The following ZNF490 variants were observed in gnomAD, a reference collection of about 807,000 sequenced individuals.
ZNF490 encodes the protein zinc finger protein 490.
A neutral mutation model predicts 17.7 loss-of-function variants in ZNF490; 11 were observed. That is an observed-to-expected ratio of 0.62 (90% confidence interval 0.39 to 1.03). The LOEUF (loss-of-function observed/expected upper bound fraction) is 1.03. ZNF490 is among the 50% of genes least tolerant of loss of function. The probability of loss-of-function intolerance (pLI) is 0.00; values close to 1 mark genes in which losing one functional copy is unlikely to be tolerated. For missense variants in ZNF490, 542 were observed against 643.4 expected, an observed-to-expected ratio of 0.84 and a Z score of 1.71; for synonymous variants, 222 against 216.1, an observed-to-expected ratio of 1.03 and a Z score of -0.24.
At chr19:12,600,688 C>T (rs934853477) in intron 2 of ZNF490, among the ~76,000 whole-genome samples, 5 of 152,074 alleles carry the variant, frequency 3.3e-5, no homozygotes, top group African/African-American at 4.8e-5. Context: ...ACTTTGTCAT[C>T]CATAAATAAT....
At chr19:12,609,038 T>TG (rs1161862253) in intron 2 of ZNF490, 120 bp downstream of exon 2, 14 of 833,630 alleles carry the variant, frequency 1.7e-5, no homozygotes, top group Non-Finnish European at 2.8e-5. Context: ...GCCTTGACTA[T>TG]GGGAGTGCCT....
At position 12,577,929 on chromosome 19, in the gene ZNF490, T is replaced by C. The variant is rs1222736656; in HGVS notation, c.*2556A>G. ...GGACAGACCCGACCCCTATCGTGCC[T>C]ATGCAATTCAGAAAACGGAGAATTC... On this transcript the variant is annotated 3_prime_UTR_variant, in exon 5 of 5. Transcript: ENST00000311437. The C allele has an allele frequency of 1.0e-6, 1 of 985,346 alleles. No homozygotes were observed. Among genetic ancestry groups the C allele is most frequent in the Admixed American group, 6.2e-5 (1 of 16,246 alleles). The allele number at this position is 985,346 out of a possible 1,614,324, so 61.0% of individuals were successfully genotyped here.
chr19:12,583,045 A>ATTTTT, intron 3 of ZNF490, 135 bp from the exon 4 acceptor site: 3 of 589,706 alleles, frequency 5.1e-6, no homozygotes, highest in South Asian at 2.6e-5. Flanking sequence ...CTCTTCCCAC[A>ATTTTT]TTTTTTTTTT....
intron 2 of ZNF490, among the ~76,000 whole-genome samples, chr19:12,584,000 CAG>C (rs1367357304): frequency 6.6e-6 from 1 of 150,668 alleles, no homozygotes; most frequent in Non-Finnish European, 1.5e-5. Flanking sequence ...TTAGTAGAGA[CAG>C]AGTTTCACCG....
intron 2 of ZNF490, among the ~76,000 whole-genome samples, chr19:12,601,425 T>G (rs1392478133): frequency 6.7e-6 from 1 of 150,130 alleles, no homozygotes; most frequent in African/African-American, 2.4e-5. Context: ...GGGGTCTCAC[T>G]CTGTCACCCA....
chr19:12,583,410 A>G lies in ZNF490; in HGVS notation c.289+20T>C. ...ACCTGTTCCCTCCTTAATTAAGTAG[A>G]GAAATTATGTCACCCTTACCTATAC... On this transcript the variant is annotated intron_variant, in intron 3 of 4. Coordinates refer to ENST00000311437, the MANE Select transcript of ZNF490 (RefSeq NM_020714.3). 6.4e-7 allele frequency: 1 copy of G among 1,570,148 alleles called. No homozygotes were observed.
At chr19:12,601,791 G>A (rs901978626) in intron 2 of ZNF490, among the ~76,000 whole-genome samples, 2 of 151,978 alleles carry the variant, frequency 1.3e-5, no homozygotes, top group Non-Finnish European at 2.9e-5. Flanking sequence ...AGGAGATCGA[G>A]ACCATCCTGG....
chr19:12,592,386 C>G (rs2022883621), intron 2 of ZNF490, among the ~76,000 whole-genome samples: 2 of 150,504 alleles, frequency 1.3e-5, no homozygotes, highest in Non-Finnish European at 3.0e-5. Flanking sequence ...ATGATGAGAC[C>G]CCATCTCAAT....
intron 2 of ZNF490, 90 bp downstream of exon 2, chr19:12,609,068 C>G: frequency 7.8e-7 from 1 of 1,274,112 alleles, no homozygotes; most frequent in Non-Finnish European, 1.1e-6. Context: ...CCCGAAAGAC[C>G]CCCCCACAAA....
intron 3 of ZNF490, 83 bp from the exon 4 acceptor site, chr19:12,582,993 T>A: frequency 3.2e-5 from 36 of 1,141,444 alleles, no homozygotes; most frequent in Non-Finnish European, 4.2e-5. Context: ...TGATTAGCTA[T>A]TGATTAGCTA....
At chr19:12,606,101 A>G (rs1383759108) in intron 2 of ZNF490, among the ~76,000 whole-genome samples, 1 of 151,818 alleles carries the variant, frequency 6.6e-6, no homozygotes, top group Non-Finnish European at 1.5e-5. Flanking sequence ...GCTGGTCTCA[A>G]ACTCCCGACC....
intron 2 of ZNF490, among the ~76,000 whole-genome samples, chr19:12,602,079 T>TATAC (rs778812676): frequency 0.036 from 2,440 of 68,614 alleles, 50 homozygotes; most frequent in Non-Finnish European, 0.052. Context: ...GTTCACTATA[T>TATAC]ACACACACAC....
intron 2 of ZNF490, among the ~76,000 whole-genome samples, chr19:12,601,801 G>C (rs1312934816): frequency 2.0e-5 from 3 of 151,674 alleles, no homozygotes; most frequent in Non-Finnish European, 4.4e-5. Flanking sequence ...GACCATCCTG[G>C]CTAACATGGT....
chr19:12,609,817 C>T (rs8100964), intron 1 of ZNF490: 246,660 of 399,264 alleles, frequency 0.62, 79,455 homozygotes, highest in Non-Finnish European at 0.69. Context: ...ATAATAGACA[C>T]TGGAGATGCC....
At chr19:12,602,990 C>T (rs2023025245) in intron 2 of ZNF490, among the ~76,000 whole-genome samples, 2 of 152,044 alleles carry the variant, frequency 1.3e-5, no homozygotes, top group Non-Finnish European at 2.9e-5. Context: ...CCAGTTGACA[C>T]ACAGACAAGA....
At position 12,576,364 on chromosome 19, in the gene ZNF490, G is replaced by A. The variant is rs2022634529; in HGVS notation, c.*4121C>T. Reference sequence around the variant, plus strand: ...CTACTAAAAATAAAAAAACTAGCTCGGTATGGTGGCACGCGCCTGTAATCC... The same window carrying A: ...CTACTAAAAATAAAAAAACTAGCTCAGTATGGTGGCACGCGCCTGTAATCC... On this transcript the variant is annotated 3_prime_UTR_variant, in exon 5 of 5. Coordinates refer to ENST00000311437, the MANE Select transcript of ZNF490 (RefSeq NM_020714.3). 6.6e-6 allele frequency among the ~76,000 whole-genome samples: 1 copy of A among 151,616 alleles called. No homozygotes were observed. The highest frequency in any genetic ancestry group is 3.4e-3 in the Middle Eastern group (1 of 290).
Position 12,581,182 on chromosome 19 carries a change from C to T in ZNF490, c.893G>A (p.Arg298Lys), listed in dbSNP as rs1274997497. Reference protein sequence around the residue: ...IYYQPFLTHERTHTGEKPYEC... With the variant: ...IYYQPFLTHEKTHTGEKPYEC... ...ATAAGGTTTCTCTCCAGTGTGAGTC[C>T]TTTCGTGGGTTAGAAAAGGCTGGTA... is the stretch of plus-strand genomic sequence containing the variant. Residue 298 changes from arginine to lysine, a missense_variant, in exon 5 of 5, where the codon AGG becomes AAG. Coordinates refer to ENST00000311437, the MANE Select transcript of ZNF490 (RefSeq NM_020714.3). The T allele has an allele frequency of 6.2e-7, 1 of 1,610,392 alleles. No individual in the cohort carries two copies. Among genetic ancestry groups the T allele is most frequent in the Admixed American group, 1.7e-5 (1 of 59,926 alleles).
At chr19:12,606,594 C>T (rs1220697331) in intron 2 of ZNF490, among the ~76,000 whole-genome samples, 2 of 152,070 alleles carry the variant, frequency 1.3e-5, no homozygotes, top group Non-Finnish European at 2.9e-5. Flanking sequence ...ATTTACCCAC[C>T]TCAGCCTCCC....
At position 12,578,629 on chromosome 19, in the gene ZNF490, C is replaced by G; in HGVS notation, c.*1856G>C. 1.0e-6 allele frequency: 1 copy of G among 985,460 alleles called. No homozygotes were observed. The highest frequency in any genetic ancestry group is 1.2e-6 in the Non-Finnish European group (1 of 829,950). The allele number at this position is 985,460 out of a possible 1,614,324, so 61.0% of individuals were successfully genotyped here. On this transcript the variant is annotated 3_prime_UTR_variant, in exon 5 of 5. Transcript: ENST00000311437. ...TAGGCAGATCCCACTTGGGGAAAAA[C>G]TGTAAGATGCGAACCTTTGTCTTAG...
Sources: allele counts gnomAD v4.1 joint callset (sites outside exome capture counted in the v4.1 genomes callset), GRCh38; gene constraint gnomAD v4.1.1; transcripts MANE v1.5; gene names NCBI Gene and HGNC (gene_info 2026-07-23, HGNC 2026-07-21).